Variants in CCBE1 observed in about 807,000 individuals in gnomAD.
CCBE1 encodes collagen and calcium-binding EGF domain-containing protein 1.
Under a neutral mutation model 50.0 loss-of-function variants are expected in CCBE1, and 37 were observed. The ratio of observed to expected loss-of-function variants is 0.74; its 90% CI spans 0.57 to 0.97. The LOEUF (loss-of-function observed/expected upper bound fraction) is 0.97. Among genes scored for constraint, CCBE1 ranks in the 50% least tolerant of loss-of-function variants. The pLI, the probability that CCBE1 is intolerant of heterozygous loss-of-function variation, is 0.00. For synonymous variants in CCBE1, 234 were observed against 203.7 expected (o/e 1.15, Z -1.27); for missense variants, 538 against 523.8 (o/e 1.03, Z -0.26).
chr18:59,667,748 G>T (rs545745948), intron 2 of CCBE1, among the ~76,000 whole-genome samples: 6 of 152,206 alleles, frequency 3.9e-5, no homozygotes, highest in African/African-American at 1.4e-4. Flanking sequence ...TCAGCCTACA[G>T]AACTCAGGAC....
chr18:59,471,972 G>A (rs1460336785), intron 3 of CCBE1, among the ~76,000 whole-genome samples: 26 of 152,206 alleles, frequency 1.7e-4, no homozygotes, highest in Non-Finnish European at 3.5e-4. Context: ...AGACCAGCCT[G>A]GGCAACATAG....
rs960599754 is a variant in CCBE1, at chr18:59,674,690, T to C, written c.212+21939A>G. Among the ~76,000 whole-genome samples the C allele has an allele frequency of 2.0e-5, 3 of 152,206 alleles. No individual in the cohort carries two copies. The East Asian group carries it at 5.8e-4, about 29-fold the overall frequency. On this transcript the variant is annotated intron_variant, in intron 2 of 10. Coordinates refer to ENST00000439986, the MANE Select transcript of CCBE1 (RefSeq NM_133459.4). Reference sequence around the variant, plus strand: ...GCACAACCAAAATTAATATAAGTTATTAAGTGTTTGTTTGACAGGATCCAG... The same window carrying C: ...GCACAACCAAAATTAATATAAGTTACTAAGTGTTTGTTTGACAGGATCCAG...
At chr18:59,496,105 G>C (rs552999542) in intron 2 of CCBE1, among the ~76,000 whole-genome samples, 2 of 152,290 alleles carry the variant, frequency 1.3e-5, no homozygotes, top group African/African-American at 4.8e-5. Flanking sequence ...AATTTTAAGA[G>C]ATAGTGCCTT....
At chr18:59,458,464 G>A (rs545552687) in intron 5 of CCBE1, among the ~76,000 whole-genome samples, 182 of 152,358 alleles carry the variant, frequency 1.2e-3, no homozygotes, top group Non-Finnish European at 2.2e-3. Context: ...TTTTCCAAGT[G>A]TTAATGTGAT....
intron 2 of CCBE1, among the ~76,000 whole-genome samples, chr18:59,540,558 G>C (rs953385788): frequency 1.3e-5 from 2 of 152,124 alleles, no homozygotes; most frequent in Non-Finnish European, 2.9e-5. Flanking sequence ...ACTTCCTACA[G>C]TTTCAAACTG....
intron 2 of CCBE1, among the ~76,000 whole-genome samples, chr18:59,499,136 A>G (rs1368682120): frequency 1.3e-5 from 2 of 152,258 alleles, no homozygotes; most frequent in Non-Finnish European, 2.9e-5. Context: ...TCTAGGGAAC[A>G]GTCAAGCAAG....
intron 2 of CCBE1, among the ~76,000 whole-genome samples, chr18:59,532,796 A>G (rs1381132311): frequency 6.6e-6 from 1 of 152,234 alleles, no homozygotes; most frequent in Admixed American, 6.5e-5. Flanking sequence ...CGGAGATTTC[A>G]AATTAATCTT....
intron 2 of CCBE1, among the ~76,000 whole-genome samples, chr18:59,540,738 T>G (rs1210255865): frequency 6.6e-6 from 1 of 152,228 alleles, no homozygotes. Context: ...GACATGCCCT[T>G]TATTTCCATA....
chr18:59,688,148 T>A (rs892837398), intron 2 of CCBE1: 1 of 152,170 alleles, frequency 6.6e-6, no homozygotes, highest in Non-Finnish European at 1.5e-5. Flanking sequence ...GATCTTTGAA[T>A]GTAAAAATTT....
Position 59,543,834 on chromosome 18 carries a change from C to CAAA in CCBE1, c.213-63599_213-63597dup, listed in dbSNP as rs10678902. 2.7e-3 allele frequency among the ~76,000 whole-genome samples: 189 copies of CAAA among 68,728 alleles called. 4 individuals are homozygous for CAAA. The highest frequency in any genetic ancestry group is 7.2e-3 in the East Asian group (13 of 1,816). The allele number at this position is 68,728 out of a possible 152,430, so 45.1% of individuals were successfully genotyped here. On this transcript the variant is annotated intron_variant, in intron 2 of 10. Transcript: ENST00000439986. ...TGGGAGATAGAGCGAGACTCCGTCT[C>CAAA]AAAAAAAAAAAAAAAAAAAAAAAAC... is the stretch of plus-strand genomic sequence containing the variant.
intron 2 of CCBE1, among the ~76,000 whole-genome samples, chr18:59,597,049 C>A (rs537777487): frequency 6.6e-6 from 1 of 152,228 alleles, no homozygotes; most frequent in African/African-American, 2.4e-5. Flanking sequence ...CTTCCACATG[C>A]ATTTAATCTT....
intron 2 of CCBE1, among the ~76,000 whole-genome samples, chr18:59,670,174 T>C (rs1001782814): frequency 3.3e-5 from 5 of 151,980 alleles, no homozygotes; most frequent in African/African-American, 1.2e-4. Flanking sequence ...ATTACATAAG[T>C]GGCAAAACTC....
At chr18:59,589,321 C>A (rs1278215251) in intron 2 of CCBE1, among the ~76,000 whole-genome samples, 15 of 152,178 alleles carry the variant, frequency 9.9e-5, no homozygotes, top group Non-Finnish European at 1.3e-4. Context: ...GAGAAAGTTA[C>A]CTCTTACAAA....
Position 59,588,035 on chromosome 18 carries a change from C to T in CCBE1, c.213-107797G>A, listed in dbSNP as rs996113084. On this transcript the variant is annotated intron_variant, in intron 2 of 10. Transcript: ENST00000439986. ...AATGAGTTGGAAGACTTGTATTATA[C>T]ATATGTTGGTTCTTAAATTCATCTA... Among the ~76,000 whole-genome samples, 88 of 152,172 alleles carry T rather than the reference C, an allele frequency of 5.8e-4. 1 individual carries two copies. The highest frequency in any genetic ancestry group is 2.1e-4 in the South Asian group (1 of 4,824).
chr18:59,533,725 C>T lies in CCBE1; in HGVS notation c.213-53487G>A, dbSNP rs369506344. Reference sequence around the variant, plus strand: ...GCACCCCAAAATTCCTCCCCTGTACCATGCATTAATTCACAATTGTTATTT... The same window carrying T: ...GCACCCCAAAATTCCTCCCCTGTACTATGCATTAATTCACAATTGTTATTT... On this transcript the variant is annotated intron_variant, in intron 2 of 10. Coordinates refer to ENST00000439986, the MANE Select transcript of CCBE1 (RefSeq NM_133459.4). Among the ~76,000 whole-genome samples the T allele has an allele frequency of 2.5e-4, 38 of 152,234 alleles. No individual in the cohort carries two copies. In the East Asian group the frequency reaches 6.9e-3, roughly 28 times the overall value.
chr18:59,448,717 C>T (rs2143651996), intron 6 of CCBE1, among the ~76,000 whole-genome samples: 1 of 152,316 alleles, frequency 6.6e-6, no homozygotes, highest in South Asian at 2.1e-4. Flanking sequence ...ACATGTATCC[C>T]ATTAGTTCTG....
chr18:59,612,815 G>T (rs797007068), intron 2 of CCBE1, among the ~76,000 whole-genome samples: 19 of 114,972 alleles, frequency 1.7e-4, no homozygotes, highest in African/African-American at 5.6e-4. Flanking sequence ...AATCTCAAGG[G>T]TTTTTTTTTT....
intron 2 of CCBE1, among the ~76,000 whole-genome samples, chr18:59,515,610 A>G (rs992791973): frequency 1.2e-4 from 18 of 152,214 alleles, no homozygotes; most frequent in Admixed American, 1.2e-3. Flanking sequence ...AAAATTAATT[A>G]AATAGTAAGA....
chr18:59,524,760 C>T (rs1405003478), intron 2 of CCBE1, among the ~76,000 whole-genome samples: 1 of 152,116 alleles, frequency 6.6e-6, no homozygotes, highest in Non-Finnish European at 1.5e-5. Context: ...CCACACCCCT[C>T]GATAGGCCCC....
Sources: allele counts gnomAD v4.1 joint callset (sites outside exome capture counted in the v4.1 genomes callset), GRCh38; gene constraint gnomAD v4.1.1; transcripts MANE v1.5; gene names NCBI Gene and HGNC (gene_info 2026-07-23, HGNC 2026-07-21).